STARD13: variants seen among roughly 807,000 people sequenced by gnomAD.
STARD13 encodes StAR related lipid transfer domain containing 13, also known as stAR-related lipid transfer protein 13.
In STARD13, 62 loss-of-function variants were observed where a neutral mutation model predicts 106.4. The observed-to-expected ratio is 0.58, with a 90% CI of 0.48 to 0.72. The LOEUF (loss-of-function observed/expected upper bound fraction) is 0.72. STARD13 is among the 30% of genes least tolerant of loss of function. The pLI is 0.00. For missense variants in STARD13, 1,387 were observed against 1,424.0 expected (o/e 0.97, Z 0.42); for synonymous variants, 565 against 553.0 (o/e 1.02, Z -0.31).
the STARD13 span, among the ~76,000 whole-genome samples, chr13:33,468,123 C>A: frequency 6.6e-6 from 1 of 152,182 alleles, no homozygotes; most frequent in African/African-American, 2.4e-5. Context: ...CTAATCCTAC[C>A]TTTCCAAATG....
the STARD13 span, among the ~76,000 whole-genome samples, chr13:33,522,592 T>C: frequency 6.6e-6 from 1 of 152,278 alleles, no homozygotes; most frequent in African/African-American, 2.4e-5. Flanking sequence ...ACTGTCTTCT[T>C]AATTTTGTCT....
rs529694578 is a variant in STARD13, at chr13:33,123,850, CCTT to C, written c.2082+2228_2082+2230del. On this transcript the variant is annotated intron_variant, in intron 7 of 13. Transcript: ENST00000336934. ...GAAGGGCCCATCGCACTGCAGGAAG[CCTT>C]CTCCCTGAGACTCGGGGCAATGCCT... Among the ~76,000 whole-genome samples, 361 of 152,316 alleles carry C rather than the reference CCTT, an allele frequency of 2.4e-3. 2 individuals are homozygous for C. Among genetic ancestry groups the C allele is most frequent in the African/African-American group, 8.1e-3 (337 of 41,568 alleles).
chr13:33,594,453 T>C, the STARD13 span, among the ~76,000 whole-genome samples: 1 of 152,224 alleles, frequency 6.6e-6, no homozygotes, highest in African/African-American at 2.4e-5. Context: ...TTGAAGTTTG[T>C]TAGACCTTAT....
chr13:33,408,288 T>C, the STARD13 span, among the ~76,000 whole-genome samples: 231 of 152,268 alleles, frequency 1.5e-3, 1 homozygote, highest in African/African-American at 4.8e-3. Flanking sequence ...AGATTCTATA[T>C]TCATTAAACA....
chr13:33,612,652 T>A, the STARD13 span, among the ~76,000 whole-genome samples: 1 of 152,198 alleles, frequency 6.6e-6, no homozygotes, highest in African/African-American at 2.4e-5. Context: ...ACCCTGGCCA[T>A]CAGACAGCCC....
At chr13:33,250,286 A>G (rs1247298273) in intron 1 of STARD13, among the ~76,000 whole-genome samples, 1 of 152,226 alleles carries the variant, frequency 6.6e-6, no homozygotes, top group Admixed American at 6.5e-5. Flanking sequence ...CTCCTAGTTC[A>G]TATCTACCAA....
At chr13:33,255,104 C>CCT (rs1555254044) in intron 1 of STARD13, among the ~76,000 whole-genome samples, 1 of 144,780 alleles carries the variant, frequency 6.9e-6, no homozygotes, top group Admixed American at 6.7e-5. Flanking sequence ...GTGCTCCCCC[C>CCT]CCCCTCAGAG....
chr13:33,598,251 A>C, the STARD13 span, among the ~76,000 whole-genome samples: 6 of 152,186 alleles, frequency 3.9e-5, no homozygotes, highest in African/African-American at 1.4e-4. Context: ...TTGCACAGTA[A>C]GAGATGAGTC....
chr13:33,284,366 C>A (rs996100428), intron 1 of STARD13, among the ~76,000 whole-genome samples: 2 of 152,164 alleles, frequency 1.3e-5, no homozygotes, highest in Admixed American at 1.3e-4. Context: ...TGATTACAAA[C>A]CCCAACTTCC....
chr13:33,246,005 G>A (rs1003777525), intron 1 of STARD13, among the ~76,000 whole-genome samples: 8 of 152,096 alleles, frequency 5.3e-5, no homozygotes, highest in African/African-American at 1.7e-4. Flanking sequence ...TTTATTCACC[G>A]TACAAGTAAG....
intron 3 of STARD13, among the ~76,000 whole-genome samples, chr13:33,159,889 G>A (rs1432489310): frequency 1.3e-5 from 2 of 152,154 alleles, no homozygotes; most frequent in African/African-American, 4.8e-5. Flanking sequence ...ACTAAATATT[G>A]TTGAGATATC....
At chr13:33,401,044 A>G in the STARD13 span, among the ~76,000 whole-genome samples, 3 of 152,174 alleles carry the variant, frequency 2.0e-5, no homozygotes, top group South Asian at 4.1e-4. Flanking sequence ...TGAAACAATC[A>G]TTATTCCCTA....
chr13:33,407,178 A>G, the STARD13 span, among the ~76,000 whole-genome samples: 1 of 152,234 alleles, frequency 6.6e-6, no homozygotes, highest in Non-Finnish European at 1.5e-5. Flanking sequence ...GACTAAAGGC[A>G]TGTGGTCTCT....
At position 33,206,739 on chromosome 13, in the gene STARD13, C is replaced by A. The variant is rs558761673; in HGVS notation, c.170-39117G>T. Reference sequence around the variant, plus strand: ...CAGTCTGCTCTGTAAGTGAGCATGACAAACAATGCATTGTAGACTTTCGTA... The same window carrying A: ...CAGTCTGCTCTGTAAGTGAGCATGAAAAACAATGCATTGTAGACTTTCGTA... On this transcript the variant is annotated intron_variant, in intron 1 of 13. Transcript: ENST00000336934. 4.6e-5 allele frequency among the ~76,000 whole-genome samples: 7 copies of A among 152,332 alleles called. No individual in the cohort carries two copies. In the East Asian group the frequency reaches 1.4e-3, roughly 29 times the overall value.
At position 33,263,805 on chromosome 13, in the gene STARD13, C is replaced by G. The variant is rs115188993; in HGVS notation, c.169+21665G>C. Among the ~76,000 whole-genome samples, 448 of 152,340 alleles carry G rather than the reference C, an allele frequency of 2.9e-3. 2 individuals are homozygous for G. The highest frequency in any genetic ancestry group is 0.01 in the African/African-American group (427 of 41,588). On this transcript the variant is annotated intron_variant, in intron 1 of 13. Coordinates refer to ENST00000336934, the MANE Select transcript of STARD13 (RefSeq NM_178006.4). ...GCCAGCCACATGCCAGAAAAAATGA[C>G]AGGAACCCAGCATTACTGAATGTGT...
rs1874631023 is a variant in STARD13 at position 33,111,867 on chromosome 13, C to T, written c.2518G>A (p.Gly840Arg). 6.2e-7 allele frequency: 1 copy of T among 1,613,870 alleles called. No homozygotes were observed. Among genetic ancestry groups the T allele is most frequent in the East Asian group, 2.2e-5 (1 of 44,880 alleles). ...TTGAGGTCCTTTTGATCTGGCTTCC[C>T]AGTGGCATATTTCTTCTGTATGACT... The part of the protein sequence containing the change: ...PRVIQKKYAT[G>R]KPDQKDLNEN... Residue 840 changes from glycine (G) to arginine (R), a missense_variant, in exon 10 of 14, where the codon GGG becomes AGG. Coordinates refer to ENST00000336934, the MANE Select transcript of STARD13 (RefSeq NM_178006.4).
At chr13:33,465,201 C>CTTTTTTTT in the STARD13 span, among the ~76,000 whole-genome samples, 25 of 60,636 alleles carry the variant, frequency 4.1e-4, 1 homozygote, top group African/African-American at 1.1e-3. Flanking sequence ...TGGTCTTCTT[C>CTTTTTTTT]TTTTTTTTTT....
chr13:33,622,632 A>AAAAAG, the STARD13 span, among the ~76,000 whole-genome samples: 1 of 149,502 alleles, frequency 6.7e-6, no homozygotes, highest in Non-Finnish European at 1.5e-5. Flanking sequence ...AAAAAAAAAA[A>AAAAAG]AAAAAAAGGC....
chr13:33,329,681 GAT>G (rs2077815028), intron 1 of STARD13, among the ~76,000 whole-genome samples: 1 of 126,914 alleles, frequency 7.9e-6, no homozygotes, highest in African/African-American at 2.9e-5. Flanking sequence ...GTGTGTGTGT[GAT>G]TGTATAAAAT....
Sources: gnomAD v4.1 joint callset for allele counts (sites outside exome capture counted in the v4.1 genomes callset) on GRCh38, gnomAD v4.1.1 for gene constraint, MANE v1.5 for transcripts, NCBI Gene and HGNC (gene_info 2026-07-23, HGNC 2026-07-21) for gene names.